GANC: variants seen among roughly 807,000 people sequenced by gnomAD.
The protein encoded by GANC is glucosidase alpha, neutral C, also known as neutral alpha-glucosidase C.
Under a neutral mutation model 124.2 loss-of-function variants are expected in GANC, and 117 were observed. The observed-to-expected ratio is 0.94, with a 90% CI of 0.81 to 1.10. The LOEUF is 1.10. Ranked by LOEUF, GANC falls within the 50% of genes least tolerant of loss-of-function variation. GANC has a pLI of 0.00. For missense variants in GANC, 1,140 were observed against 1,095.0 expected (o/e 1.04, Z -0.58); for synonymous variants, 377 against 376.8 (o/e 1.00, Z -0.01).
intron 11 of GANC, among the ~76,000 whole-genome samples, chr15:42,323,248 C>A (rs1445054264): frequency 6.6e-6 from 1 of 152,158 alleles, no homozygotes; most frequent in Non-Finnish European, 1.5e-5. Context: ...GATCTTCTGT[C>A]CTTAATAAGT....
intron 20 of GANC, among the ~76,000 whole-genome samples, chr15:42,346,768 G>A (rs1176568196): frequency 6.6e-6 from 1 of 152,136 alleles, no homozygotes; most frequent in Non-Finnish European, 1.5e-5. Flanking sequence ...GAATGCATCA[G>A]TTATGATGTT....
At chr15:42,292,175 G>A (rs1477565151) in intron 4 of GANC, among the ~76,000 whole-genome samples, 4 of 152,048 alleles carry the variant, frequency 2.6e-5, no homozygotes, top group African/African-American at 9.7e-5. Flanking sequence ...GCAATAAATA[G>A]GTAAATAAAA....
At chr15:42,350,210 A>G (rs28461547) in intron 22 of GANC, among the ~76,000 whole-genome samples, 67,659 of 150,734 alleles carry the variant, frequency 0.45, 16,561 homozygotes, top group Middle Eastern at 0.59. Flanking sequence ...TTGTATTTTT[A>G]GTACAGACAG....
chr15:42,343,255 C>T, intron 19 of GANC, 101 bp downstream of exon 19: 9 of 954,442 alleles, frequency 9.4e-6, no homozygotes, highest in Non-Finnish European at 1.5e-5. Context: ...GTGAACACAC[C>T]CCAGATGACT....
chr15:42,273,514 T>G lies in GANC; in HGVS notation c.-968T>G. On this transcript the variant is annotated 5_prime_UTR_variant, in exon 1 of 24. Coordinates refer to ENST00000318010, the MANE Select transcript of GANC (RefSeq NM_198141.3). The stretch of plus-strand genomic sequence containing the variant: ...CCGGGTCCTGGAAACGTCGCGGAGC[T>G]TGTTTGCTGTGCGGCGTAGCGGCCC... 6.7e-7 allele frequency: 1 copy of G among 1,497,946 alleles called. No individual in the cohort carries two copies. The highest frequency in any genetic ancestry group is 8.9e-7 in the Non-Finnish European group (1 of 1,122,116). 92.8% of individuals were successfully genotyped at this position (1,497,946 alleles called of 1,614,324 possible).
chr15:42,284,182 A>C, intron 3 of GANC: 3 of 599,928 alleles, frequency 5.0e-6, no homozygotes, highest in Non-Finnish European at 8.9e-6. Flanking sequence ...TAATTTTCCT[A>C]CTTAACACCC....
intron 13 of GANC, among the ~76,000 whole-genome samples, chr15:42,327,662 A>C (rs112616633): frequency 6.6e-6 from 1 of 152,188 alleles, no homozygotes; most frequent in Non-Finnish European, 1.5e-5. Flanking sequence ...GACCTCTATT[A>C]TAATAGACTC....
At chr15:42,278,179 A>G (rs979863929) in intron 2 of GANC, 1 of 213,556 alleles carries the variant, frequency 4.7e-6, no homozygotes, top group African/African-American at 2.3e-5. Flanking sequence ...GAGGGAGGGA[A>G]ATTAACAAGT....
At chr15:42,315,569 GTT>G (rs983144933) in intron 10 of GANC, among the ~76,000 whole-genome samples, 1 of 152,330 alleles carries the variant, frequency 6.6e-6, no homozygotes, top group Middle Eastern at 3.4e-3. Flanking sequence ...TTGCAGAAAA[GTT>G]TGGCATTTCC....
chr15:42,306,753 C>T (rs1430066672), intron 7 of GANC, 141 bp downstream of exon 7: 1 of 609,830 alleles, frequency 1.6e-6, no homozygotes, highest in African/African-American at 1.9e-5. Context: ...GATTTGCTAT[C>T]CTTCAGTAAT....
In GANC at chr15:42,340,656, A is replaced by C. The variant is rs1048332916; in HGVS notation, c.2088-34A>C. On this transcript the variant is annotated intron_variant, in intron 17 of 23. Coordinates refer to ENST00000318010, the MANE Select transcript of GANC (RefSeq NM_198141.3). ...TGATTGATTGCAATAAGATGTCTAT[A>C]ATGTTAAAACAATAATTTTTTTTCT... 2.7e-6 allele frequency: 4 copies of C among 1,492,162 alleles called. No homozygotes were observed. The African/African-American group carries it at 5.7e-5, about 21-fold the overall frequency. 92.4% of individuals were successfully genotyped at this position (1,492,162 alleles called of 1,614,324 possible).
intron 15 of GANC, among the ~76,000 whole-genome samples, chr15:42,332,378 G>A (rs1476353771): frequency 6.6e-6 from 1 of 152,016 alleles, no homozygotes; most frequent in Non-Finnish European, 1.5e-5. Flanking sequence ...GTTAAAAAAA[G>A]ATAACAGAAG....
At chr15:42,285,867 A>G (rs1193428065) in intron 3 of GANC, among the ~76,000 whole-genome samples, 1 of 152,186 alleles carries the variant, frequency 6.6e-6, no homozygotes, top group African/African-American at 2.4e-5. Flanking sequence ...CTAAAATTAG[A>G]TTGCTAAATT....
intron 3 of GANC, among the ~76,000 whole-genome samples, chr15:42,281,494 G>A (rs1382913834): frequency 1.3e-5 from 2 of 151,884 alleles, no homozygotes; most frequent in Non-Finnish European, 2.9e-5. Context: ...GACCAGCTAT[G>A]GCCAACATGG....
intron 10 of GANC, among the ~76,000 whole-genome samples, chr15:42,319,457 G>A (rs929903028): frequency 1.3e-5 from 2 of 151,964 alleles, no homozygotes; most frequent in African/African-American, 2.4e-5. Context: ...CAATTCTTCC[G>A]CTTTAGCCTC....
rs1483149773 is a variant in GANC at position 42,329,298 on chromosome 15, C to T, written c.1501-8C>T. The T allele has an allele frequency of 3.7e-6, 6 of 1,609,322 alleles. No individual in the cohort carries two copies. The highest frequency in any genetic ancestry group is 2.2e-5 in the South Asian group (2 of 90,246). ...GTAGGAGTGTCATGACCAAGGTTTACTTCCTAGGGATCTACGGACATCCTC... is the reference window on the plus strand; with the variant it reads ...GTAGGAGTGTCATGACCAAGGTTTATTTCCTAGGGATCTACGGACATCCTC... On this transcript the variant is annotated splice_polypyrimidine_tract_variant and splice_region_variant and intron_variant, in intron 13 of 23. Coordinates refer to ENST00000318010, the MANE Select transcript of GANC (RefSeq NM_198141.3).
In GANC at chr15:42,273,419, TA is replaced by T. The variant is rs1295210905; in HGVS notation, c.-1062del. On this transcript the variant is annotated 5_prime_UTR_variant, in exon 1 of 24. Transcript: ENST00000318010. ...GCCATCTTCACAGCCGTGGAGTGCC[TA>T]CCGAAAGCATTTCACCCTCTTCCGG... 2 of 1,613,360 alleles carry T rather than the reference TA, an allele frequency of 1.2e-6. No individual in the cohort carries two copies. The highest frequency in any genetic ancestry group is 2.2e-5 in the South Asian group (2 of 91,076).
chr15:42,322,955 C>G (rs1465680876), intron 11 of GANC, among the ~76,000 whole-genome samples: 1 of 152,152 alleles, frequency 6.6e-6, no homozygotes, highest in African/African-American at 2.4e-5. Flanking sequence ...TCAACCCATT[C>G]CTTTGACCTC....
Position 42,329,450 on chromosome 15 carries a change from G to A in GANC, c.1644+1G>A. On this transcript the variant is annotated splice_donor_variant, in intron 14 of 23. Coordinates refer to ENST00000318010, the MANE Select transcript of GANC (RefSeq NM_198141.3). LOFTEE classifies it high-confidence loss of function. ...CCACAACATCTACGGTTTTTATCAT[G>A]TAAGACATCCAAAAAGAATTAAACT... The A allele has an allele frequency of 6.2e-7, 1 of 1,604,144 alleles. No individual in the cohort carries two copies. The highest frequency in any genetic ancestry group is 1.1e-5 in the South Asian group (1 of 89,116).
Sources: allele counts gnomAD v4.1 joint callset (sites outside exome capture counted in the v4.1 genomes callset), GRCh38; gene constraint gnomAD v4.1.1; transcripts MANE v1.5; gene names NCBI Gene and HGNC (gene_info 2026-07-23, HGNC 2026-07-21).